INPP5K: variants seen among roughly 807,000 people sequenced by gnomAD.
INPP5K encodes inositol polyphosphate-5-phosphatase K.
INPP5K carries 35 observed loss-of-function variants against 53.5 expected under a neutral mutation model. That is an observed-to-expected ratio of 0.65 (90% CI 0.50 to 0.87). The LOEUF (loss-of-function observed/expected upper bound fraction) is 0.87, where lower values mean the gene tolerates loss of function less well. Ranked by LOEUF, INPP5K falls within the 40% of genes least tolerant of loss-of-function variation. The pLI is 0.00. For synonymous variants in INPP5K, 253 were observed against 232.8 expected (o/e 1.09, Z -0.79); for missense variants, 550 against 586.2 (o/e 0.94, Z 0.64).
In INPP5K at chr17:1,495,818, C is replaced by T; in HGVS notation, c.*5G>A. ...CCTCCGCCTGGGATTCACTCCCATC[C>T]TGGCTCAGATCTGTGGCTGTGCTTC... is the stretch of plus-strand genomic sequence containing the variant. On this transcript the variant is annotated 3_prime_UTR_variant, in exon 12 of 12. Transcript: ENST00000421807. 6.2e-7 allele frequency: 1 copy of T among 1,611,170 alleles called. No homozygotes were observed. Among genetic ancestry groups the T allele is most frequent in the Non-Finnish European group, 8.5e-7 (1 of 1,177,692 alleles).
chr17:1,499,359 G>A (rs144141125), intron 7 of INPP5K, among the ~76,000 whole-genome samples: 107 of 152,230 alleles, frequency 7.0e-4, no homozygotes, highest in African/African-American at 2.3e-3. Context: ...CAGGCATGGT[G>A]GCAGGTGCCT....
intron 8 of INPP5K, 114 bp from the exon 9 acceptor site, chr17:1,496,917 G>A (rs1026671222): frequency 9.1e-7 from 1 of 1,097,726 alleles, no homozygotes; most frequent in Non-Finnish European, 1.3e-6. Flanking sequence ...GCACCCAGAG[G>A]GGGTGGGCAT....
intron 7 of INPP5K, among the ~76,000 whole-genome samples, chr17:1,502,298 G>A (rs1397270683): frequency 6.6e-6 from 1 of 151,752 alleles, no homozygotes; most frequent in African/African-American, 2.4e-5. Flanking sequence ...GTAGTGAGTG[G>A]AGATCGCGCC....
At chr17:1,503,620 G>A (rs1033092225) in intron 7 of INPP5K, among the ~76,000 whole-genome samples, 1 of 152,014 alleles carries the variant, frequency 6.6e-6, no homozygotes, top group Admixed American at 6.6e-5. Flanking sequence ...GGAGGCTGAG[G>A]CAGGCGAGAA....
In INPP5K at chr17:1,495,615, C is replaced by G. The variant is rs2074808926; in HGVS notation, c.*208G>C. The G allele has an allele frequency of 1.3e-5, 7 of 557,650 alleles. No individual in the cohort carries two copies. The South Asian group carries it at 1.7e-4, about 13-fold the overall frequency. The allele number at this position is 557,650 out of a possible 1,614,324, so 34.5% of individuals were successfully genotyped here. A position where few individuals can be genotyped will look rare whatever the true frequency, so the allele number is the denominator to read the frequency against. On this transcript the variant is annotated 3_prime_UTR_variant, in exon 12 of 12. Transcript: ENST00000421807. ...GCTGGTTTCACTCACATCTCAGCAA[C>G]AAAAACCTGTATTTAAGCGGCTAAT...
At chr17:1,501,571 CT>C (rs1322012726) in intron 7 of INPP5K, among the ~76,000 whole-genome samples, 1 of 152,220 alleles carries the variant, frequency 6.6e-6, no homozygotes, top group East Asian at 1.9e-4. Context: ...TTGACTAACC[CT>C]GGTCTGCCTG....
At chr17:1,513,702 AG>A (rs778687189) in intron 2 of INPP5K, 141 bp from the exon 3 acceptor site, 6 of 913,270 alleles carry the variant, frequency 6.6e-6, no homozygotes, top group Non-Finnish European at 1.0e-5. Flanking sequence ...GCTGATCTCC[AG>A]CCCCCTTTGC....
chr17:1,500,643 C>T (rs1050237968), intron 7 of INPP5K, among the ~76,000 whole-genome samples: 2 of 152,252 alleles, frequency 1.3e-5, no homozygotes, highest in South Asian at 2.1e-4. Context: ...GGATTACAGG[C>T]GTGAGCCACC....
At chr17:1,508,000 C>A (rs1598382755) in intron 6 of INPP5K, 115 bp downstream of exon 6, 5 of 795,336 alleles carry the variant, frequency 6.3e-6, no homozygotes, top group Admixed American at 4.1e-5. Context: ...GCCTCCCCCA[C>A]CAGACCTGGG....
chr17:1,511,654 TTCTC>T (rs1485658958), intron 3 of INPP5K, among the ~76,000 whole-genome samples: 1 of 152,118 alleles, frequency 6.6e-6, no homozygotes, highest in Non-Finnish European at 1.5e-5. Context: ...CTCCCCAGTC[TTCTC>T]TCTCCTACAC....
At position 1,496,370 on chromosome 17, in the gene INPP5K, G is replaced by T; in HGVS notation, c.1134C>A (p.Ser378=). ...CCTTGCTGTCCCCGACCCAGGCATA[G>T]GACACGTAGTCATTAACGTCCCGCA... ...VGLRDVNDYV[S]YAWVGDSKVS... Residue 378 remains serine (S), a synonymous_variant, in exon 10 of 12, where the codon TCC becomes TCA. Transcript: ENST00000421807. 1 of 1,565,158 alleles carries T rather than the reference G, an allele frequency of 6.4e-7. No individual in the cohort carries two copies. Among genetic ancestry groups the T allele is most frequent in the East Asian group, 2.4e-5 (1 of 42,414 alleles).
intron 7 of INPP5K, among the ~76,000 whole-genome samples, chr17:1,500,586 T>G (rs150860054): frequency 1.3e-5 from 2 of 151,996 alleles, no homozygotes; most frequent in African/African-American, 4.8e-5. Context: ...AGGATGGTCT[T>G]GATCTCCTGA....
In INPP5K at chr17:1,509,760, A is replaced by C; in HGVS notation, c.301T>G (p.Phe101Val). The change falls in exon 4 of 12, where the codon TTT (phenylalanine) becomes GTT (valine). Residue 101 changes from phenylalanine to valine, a missense_variant. By Grantham distance (50) the Phe-to-Val change is conservative. Coordinates refer to ENST00000421807, the MANE Select transcript of INPP5K (RefSeq NM_016532.4). ...TAGGGCAAATGCTGATACTTGGCAA[A>C]GACCAGTAAGAGGATCCCCTGCATA... ...VRMQGILLLVFAKYQHLPYIQ... is the reference protein window; with the variant it reads ...VRMQGILLLVVAKYQHLPYIQ... The C allele has an allele frequency of 5.0e-6, 8 of 1,613,644 alleles. No individual in the cohort carries two copies. Among genetic ancestry groups the C allele is most frequent in the Non-Finnish European group, 5.9e-6 (7 of 1,179,694 alleles).
intron 6 of INPP5K, 132 bp from the exon 7 acceptor site, chr17:1,507,221 A>G: frequency 3.1e-6 from 2 of 644,440 alleles, no homozygotes; most frequent in Middle Eastern, 4.2e-4. Flanking sequence ...CCAATTCCTC[A>G]CTGCCCCAGT....
In INPP5K at chr17:1,497,930, G is replaced by A. The variant is rs1428825525; in HGVS notation, c.963+6C>T. 3.1e-6 allele frequency: 5 copies of A among 1,610,320 alleles called. No homozygotes were observed. In the Admixed American group the frequency reaches 6.7e-5, roughly 22 times the overall value. On this transcript the variant is annotated splice_donor_region_variant and intron_variant, in intron 8 of 11. Transcript: ENST00000421807. ...CTGGCAAGTATCAGGCAGCCCAGAA[G>A]TTCACCTCCAAGTCGAACGTGCCGG...
chr17:1,498,608 T>G (rs2074924968), intron 7 of INPP5K, among the ~76,000 whole-genome samples: 1 of 152,058 alleles, frequency 6.6e-6, no homozygotes, highest in African/African-American at 2.4e-5. Context: ...TTAAATTTAA[T>G]TTTATTTTTT....
At chr17:1,497,845 T>G in intron 8 of INPP5K, 91 bp downstream of exon 8, 1 of 1,187,738 alleles carries the variant, frequency 8.4e-7, no homozygotes. Flanking sequence ...CCTGGGGGAC[T>G]GGCTGACATT....
Position 1,494,933 on chromosome 17 carries a change from A to C in INPP5K, c.*890T>G, listed in dbSNP as rs2074787754. On this transcript the variant is annotated 3_prime_UTR_variant, in exon 12 of 12. Transcript: ENST00000421807. ...CTGGTTCTCCCTTCTGCCTGCCCCC[A>C]CTCTGAGGTCCCGGGGGGTCCAGGG... is the stretch of plus-strand genomic sequence containing the variant. 3 of 151,926 alleles carry C rather than the reference A, an allele frequency of 2.0e-5. No homozygotes were observed. The highest frequency in any genetic ancestry group is 2.9e-5 in the Non-Finnish European group (2 of 68,060). The allele number at this position is 151,926 out of a possible 1,614,324, so 9.4% of individuals were successfully genotyped here.
At position 1,516,451 on chromosome 17, in the gene INPP5K, C is replaced by A; in HGVS notation, c.44+5G>T. 6.3e-7 allele frequency: 1 copy of A among 1,591,404 alleles called. No individual in the cohort carries two copies. On this transcript the variant is annotated splice_donor_5th_base_variant and intron_variant, in intron 1 of 11. Transcript: ENST00000421807. ...GGCCTGCCTCTGCCGCCAGGGTGCC[C>A]TCACCTGAGCCTCCTGCCTTTCGGC...
Sources: gnomAD v4.1 joint callset for allele counts (sites outside exome capture counted in the v4.1 genomes callset) on GRCh38, gnomAD v4.1.1 for gene constraint, MANE v1.5 for transcripts, NCBI Gene and HGNC (gene_info 2026-07-23, HGNC 2026-07-21) for gene names.